The following PTPDC1 variants were observed in gnomAD, a reference collection of about 807,000 sequenced individuals.
PTPDC1 encodes the protein protein tyrosine phosphatase domain-containing protein 1.
PTPDC1 carries 53 observed loss-of-function variants against 75.3 expected under a neutral mutation model. That is an observed-to-expected ratio of 0.70 (90% CI 0.56 to 0.88). PTPDC1 has a LOEUF of 0.88. Ranked by LOEUF, PTPDC1 falls within the 40% of genes least tolerant of loss-of-function variation. PTPDC1 has a pLI of 0.00. For synonymous variants in PTPDC1, 349 were observed against 366.2 expected, an observed-to-expected ratio of 0.95 and a Z score of 0.54; for missense variants, 925 against 998.6, an observed-to-expected ratio of 0.93 and a Z score of 0.99.
chr9:94,094,949 G>A (rs959329279), intron 4 of PTPDC1, among the ~76,000 whole-genome samples: 27 of 152,320 alleles, frequency 1.8e-4, no homozygotes, highest in African/African-American at 5.3e-4. Context: ...GGCACGGTGC[G>A]TGCGCCCACT....
At chr9:94,096,940 G>A (rs931650126) in intron 5 of PTPDC1, among the ~76,000 whole-genome samples, 2 of 152,158 alleles carry the variant, frequency 1.3e-5, no homozygotes, top group African/African-American at 4.8e-5. Flanking sequence ...GTGGAAAATA[G>A]AAACAGGATT....
chr9:94,045,923 C>T (rs975934752), intron 1 of PTPDC1, among the ~76,000 whole-genome samples: 4 of 152,200 alleles, frequency 2.6e-5, no homozygotes, highest in Non-Finnish European at 5.9e-5. Context: ...CTTGCTCATG[C>T]TTATGTCCTG....
chr9:94,095,614 G>A (rs1260636134), intron 5 of PTPDC1, among the ~76,000 whole-genome samples, 160 bp downstream of exon 5: 2 of 152,156 alleles, frequency 1.3e-5, no homozygotes, highest in African/African-American at 4.8e-5. Context: ...ACTGTAGGGT[G>A]TCTATAGTTA....
At chr9:94,097,188 T>G (rs1032039279) in intron 5 of PTPDC1, 133 bp from the exon 6 acceptor site, 60 of 661,526 alleles carry the variant, frequency 9.1e-5, no homozygotes, top group African/African-American at 8.6e-4. Context: ...TCATCATAAT[T>G]GTCCTTAAAA....
chr9:94,090,945 T>C (rs547424602), intron 4 of PTPDC1, among the ~76,000 whole-genome samples: 1 of 152,278 alleles, frequency 6.6e-6, no homozygotes, highest in Non-Finnish European at 1.5e-5. Context: ...CCTGAGACTT[T>C]GCTGAAGTTG....
At chr9:94,096,539 T>A (rs1373837163) in intron 5 of PTPDC1, among the ~76,000 whole-genome samples, 1 of 152,172 alleles carries the variant, frequency 6.6e-6, no homozygotes, top group African/African-American at 2.4e-5. Flanking sequence ...ACTGTTATAT[T>A]TGAATTAATT....
At chr9:94,066,739 G>A (rs957812480) in intron 2 of PTPDC1, among the ~76,000 whole-genome samples, 1 of 151,690 alleles carries the variant, frequency 6.6e-6, no homozygotes, top group Non-Finnish European at 1.5e-5. Context: ...TGTGTTTTTA[G>A]TAGAGATGGG....
At chr9:94,057,233 C>G (rs903264771) in intron 1 of PTPDC1, among the ~76,000 whole-genome samples, 8 of 152,020 alleles carry the variant, frequency 5.3e-5, no homozygotes, top group Admixed American at 5.2e-4. Flanking sequence ...CATGTGCTAC[C>G]ATGCCTGGCT....
chr9:94,068,633 A>G (rs1346564953), intron 2 of PTPDC1, among the ~76,000 whole-genome samples: 3 of 152,186 alleles, frequency 2.0e-5, no homozygotes, highest in Non-Finnish European at 4.4e-5. Flanking sequence ...ATGATTTCAG[A>G]CTACGTAAAT....
intron 1 of PTPDC1, among the ~76,000 whole-genome samples, chr9:94,042,679 G>A (rs1435050043): frequency 6.6e-6 from 1 of 152,128 alleles, no homozygotes; most frequent in African/African-American, 2.4e-5. Context: ...GGGTGGCTGT[G>A]ACTGTTTCTT....
intron 1 of PTPDC1, among the ~76,000 whole-genome samples, chr9:94,046,221 A>T (rs1587842736): frequency 6.6e-6 from 1 of 152,350 alleles, no homozygotes; most frequent in African/African-American, 2.4e-5. Flanking sequence ...CTTTGGTACC[A>T]GTACCATGCT....
chr9:94,045,864 C>A (rs1375769342), intron 1 of PTPDC1, among the ~76,000 whole-genome samples: 1 of 152,076 alleles, frequency 6.6e-6, no homozygotes, highest in Admixed American at 6.5e-5. Context: ...TCCCATTTTT[C>A]AATTTTGGCT....
At chr9:94,087,755 C>G in intron 2 of PTPDC1, 76 bp from the exon 3 acceptor site, 1 of 967,844 alleles carries the variant, frequency 1.0e-6, no homozygotes, top group East Asian at 2.4e-5. Context: ...AATCATCTCT[C>G]AGGACTGGAA....
chr9:94,045,371 G>A (rs1825563911), intron 1 of PTPDC1, among the ~76,000 whole-genome samples: 1 of 152,112 alleles, frequency 6.6e-6, no homozygotes, highest in African/African-American at 2.4e-5. Context: ...TAATGGGATG[G>A]CTGGGTCAAA....
chr9:94,032,085 C>T (rs748651215), intron 1 of PTPDC1, among the ~76,000 whole-genome samples: 2 of 152,146 alleles, frequency 1.3e-5, no homozygotes, highest in African/African-American at 2.4e-5. Context: ...GTTTGGGTGA[C>T]GTGTCACAGT....
intron 1 of PTPDC1, among the ~76,000 whole-genome samples, chr9:94,040,003 C>T (rs1825383539): frequency 6.6e-6 from 1 of 152,100 alleles, no homozygotes; most frequent in South Asian, 2.1e-4. Context: ...ACTTCAAAAG[C>T]CACTCCAATG....
At chr9:94,084,851 C>G in intron 1 of PTPDC1, 77 bp downstream of exon 1, 1 of 1,076,148 alleles carries the variant, frequency 9.3e-7, no homozygotes, top group Non-Finnish European at 1.3e-6. Flanking sequence ...TGTGTTTATA[C>G]CTTTTTAAAT....
At chr9:94,096,340 T>C (rs993315931) in intron 5 of PTPDC1, among the ~76,000 whole-genome samples, 1 of 152,162 alleles carries the variant, frequency 6.6e-6, no homozygotes, top group Admixed American at 6.5e-5. Context: ...ATTGACATGA[T>C]AGCTCTGCAG....
At chr9:94,051,105 G>A (rs972031810) in intron 1 of PTPDC1, among the ~76,000 whole-genome samples, 5 of 152,284 alleles carry the variant, frequency 3.3e-5, no homozygotes, top group Admixed American at 6.5e-5. Context: ...TCCAAGTGCC[G>A]TCTGTACCCC....
Sources: gnomAD v4.1 joint callset for allele counts (sites outside exome capture counted in the v4.1 genomes callset) on GRCh38, gnomAD v4.1.1 for gene constraint, MANE v1.5 for transcripts, NCBI Gene and HGNC (gene_info 2026-07-23, HGNC 2026-07-21) for gene names.